The following AK5 variants were observed in gnomAD, a reference collection of about 807,000 sequenced individuals.
AK5 encodes adenylate kinase 5, also known as adenylate kinase isoenzyme 5.
A neutral mutation model predicts 69.5 loss-of-function variants in AK5; 27 were observed. That is an observed-to-expected ratio of 0.39 (90% CI 0.29 to 0.54). The LOEUF is 0.54. AK5 is among the 20% of genes least tolerant of loss of function. The pLI, the probability that AK5 is intolerant of heterozygous loss-of-function variation, is 0.71. For synonymous variants in AK5, 260 were observed against 244.4 expected (o/e 1.06, Z -0.60); for missense variants, 531 against 700.4 (o/e 0.76, Z 2.73).
chr1:77,492,235 G>A (rs752836764), intron 10 of AK5, among the ~76,000 whole-genome samples: 1 of 152,288 alleles, frequency 6.6e-6, no homozygotes, highest in African/African-American at 2.4e-5. Context: ...TAAATAAAAT[G>A]TGTCTTTTTT....
chr1:77,554,290 C>T lies in AK5; in HGVS notation c.1621-4312C>T, dbSNP rs561484852. On this transcript the variant is annotated intron_variant, in intron 13 of 13. Coordinates refer to ENST00000354567, the MANE Select transcript of AK5 (RefSeq NM_174858.3). ...TATCTTCCAGTACATGTCTATTCTT[C>T]TAGGCCGAGCTTAACTGGCAACACC... Among the ~76,000 whole-genome samples, 13 of 152,338 alleles carry T rather than the reference C, an allele frequency of 8.5e-5. No homozygotes were observed. The South Asian group carries it at 2.7e-3, about 32-fold the overall frequency.
At chr1:77,545,733 T>C (rs1257078627) in intron 13 of AK5, among the ~76,000 whole-genome samples, 1 of 152,202 alleles carries the variant, frequency 6.6e-6, no homozygotes, top group Non-Finnish European at 1.5e-5. Flanking sequence ...CTTTTAGCAG[T>C]GCCCCACCTT....
intron 6 of AK5, among the ~76,000 whole-genome samples, chr1:77,358,775 A>G (rs937088141): frequency 2.0e-5 from 3 of 151,672 alleles, no homozygotes; most frequent in Non-Finnish European, 2.9e-5. Flanking sequence ...TTTACCTGCA[A>G]TAATGTGATT....
chr1:77,556,978 C>CA (rs1660136519), intron 13 of AK5, among the ~76,000 whole-genome samples: 1 of 149,318 alleles, frequency 6.7e-6, no homozygotes, highest in African/African-American at 2.5e-5. Context: ...AACCCTCTAC[C>CA]TTTTTTTTTT....
intron 5 of AK5, among the ~76,000 whole-genome samples, chr1:77,329,616 G>A (rs538686972): frequency 2.6e-5 from 4 of 152,176 alleles, no homozygotes; most frequent in Admixed American, 2.0e-4. Context: ...GGCAACTAGT[G>A]CAAGGACTAC....
intron 10 of AK5, among the ~76,000 whole-genome samples, chr1:77,493,981 A>G (rs1457044326): frequency 1.3e-5 from 2 of 152,246 alleles, no homozygotes; most frequent in Non-Finnish European, 2.9e-5. Context: ...ATAAGCCTTT[A>G]TCAAGGGCTT....
intron 7 of AK5, among the ~76,000 whole-genome samples, chr1:77,415,412 G>C (rs889190828): frequency 6.6e-6 from 1 of 152,148 alleles, no homozygotes; most frequent in Non-Finnish European, 1.5e-5. Flanking sequence ...CACTCCACAT[G>C]AATCACTCTA....
chr1:77,456,375 T>A (rs1653483014), intron 8 of AK5, among the ~76,000 whole-genome samples: 1 of 152,034 alleles, frequency 6.6e-6, no homozygotes, highest in African/African-American at 2.4e-5. Context: ...CATGGAGAGG[T>A]TTCACTTGGC....
chr1:77,444,927 A>C (rs1420269669), intron 8 of AK5, among the ~76,000 whole-genome samples: 2 of 151,914 alleles, frequency 1.3e-5, no homozygotes, highest in Non-Finnish European at 2.9e-5. Context: ...GAGATCATGC[A>C]ATATTTTTCT....
At chr1:77,374,286 A>G (rs1002945643) in intron 6 of AK5, among the ~76,000 whole-genome samples, 1 of 152,092 alleles carries the variant, frequency 6.6e-6, no homozygotes, top group Non-Finnish European at 1.5e-5. Context: ...TTTCTCTTTT[A>G]CCTTACTTGA....
At chr1:77,283,045 G>A (rs1658148504) in intron 1 of AK5, 2 of 985,628 alleles carry the variant, frequency 2.0e-6, no homozygotes, top group Non-Finnish European at 2.4e-6. Context: ...GGAGATAGCG[G>A]GTCGGGGAGG....
At chr1:77,367,337 T>C (rs571345216) in intron 6 of AK5, among the ~76,000 whole-genome samples, 1 of 150,564 alleles carries the variant, frequency 6.6e-6, no homozygotes, top group Admixed American at 6.7e-5. Context: ...ATTTCTGGTT[T>C]TTGTTTTTTG....
intron 8 of AK5, among the ~76,000 whole-genome samples, chr1:77,461,268 C>T (rs1346328340): frequency 3.4e-5 from 5 of 147,692 alleles, no homozygotes; most frequent in Non-Finnish European, 7.5e-5. Context: ...CTCCTGACCT[C>T]GTGATCCACC....
chr1:77,286,904 A>C (rs1299616741), intron 1 of AK5, 37 bp from the exon 2 acceptor site: 7 of 1,292,138 alleles, frequency 5.4e-6, no homozygotes, highest in Non-Finnish European at 7.1e-6. Flanking sequence ...GTGGGTTTAA[A>C]AGATATTTTA....
chr1:77,404,421 G>A (rs1649476904), intron 6 of AK5, among the ~76,000 whole-genome samples: 1 of 151,874 alleles, frequency 6.6e-6, no homozygotes. Context: ...AACATATGTT[G>A]TTTATGAAAA....
At chr1:77,362,928 G>A (rs772776741) in intron 6 of AK5, among the ~76,000 whole-genome samples, 19 of 152,108 alleles carry the variant, frequency 1.2e-4, no homozygotes, top group Non-Finnish European at 1.3e-4. Flanking sequence ...CCATAGATAA[G>A]GATAAGTGTT....
intron 8 of AK5, among the ~76,000 whole-genome samples, chr1:77,443,677 CTGTGTGTGTG>C (rs71244408): frequency 2.2e-4 from 29 of 134,114 alleles, no homozygotes; most frequent in East Asian, 9.4e-4. Context: ...TGTGGGGAGT[CTGTGTGTGTG>C]TGTGTGTGTG....
In AK5 at chr1:77,282,250, C is replaced by T. The variant is rs1445085317; in HGVS notation, c.-64C>T. The T allele has an allele frequency of 1.2e-5, 18 of 1,483,160 alleles. No individual in the cohort carries two copies. The highest frequency in any genetic ancestry group is 2.1e-5 in the Admixed American group (1 of 46,972). 91.9% of individuals were successfully genotyped at this position (1,483,160 alleles called of 1,614,324 possible). A position where few individuals can be genotyped will look rare whatever the true frequency, so the allele number is the denominator to read the frequency against. The stretch of plus-strand genomic sequence containing the variant: ...ACTCTGCCAGCCCCAGCTTCAGCCC[C>T]GGCTCAGGTCGCCGCAGCCCGGGAG... On this transcript the variant is annotated 5_prime_UTR_variant, in exon 1 of 14. Coordinates refer to ENST00000354567, the MANE Select transcript of AK5 (RefSeq NM_174858.3).
intron 13 of AK5, among the ~76,000 whole-genome samples, chr1:77,538,028 A>G (rs1330184335): frequency 6.6e-6 from 1 of 152,198 alleles, no homozygotes; most frequent in East Asian, 1.9e-4. Flanking sequence ...CACATTTTAA[A>G]AATAAAGACT....
Sources: allele counts gnomAD v4.1 joint callset (sites outside exome capture counted in the v4.1 genomes callset), GRCh38; gene constraint gnomAD v4.1.1; transcripts MANE v1.5; gene names NCBI Gene and HGNC (gene_info 2026-07-23, HGNC 2026-07-21).